COL4A4: variants seen among roughly 807,000 people sequenced by gnomAD.
The protein encoded by COL4A4 is collagen alpha-4(IV) chain.
A neutral mutation model predicts 192.9 loss-of-function variants in COL4A4; 105 were observed. That is an observed-to-expected ratio of 0.54 (90% confidence interval 0.46 to 0.64). The LOEUF (loss-of-function observed/expected upper bound fraction) is 0.64, where lower values mean the gene tolerates loss of function less well. COL4A4 is among the 30% of genes least tolerant of loss of function. The probability of loss-of-function intolerance (pLI) is 0.00; values close to 1 mark genes in which losing one functional copy is unlikely to be tolerated. For synonymous variants in COL4A4, 762 were observed against 769.9 expected (o/e 0.99, Z 0.17); for missense variants, 1,967 against 2,169.3 (o/e 0.91, Z 1.85).
chr2:227,068,419 A>G (rs2058489647), intron 25 of COL4A4, among the ~76,000 whole-genome samples: 1 of 152,238 alleles, frequency 6.6e-6, no homozygotes, highest in East Asian at 1.9e-4. Context: ...CAACCAAAAA[A>G]GAGAATTTTA....
At chr2:227,083,050 GAAACCCCGTCCCTACTAA>G (rs1035069305) in intron 22 of COL4A4, among the ~76,000 whole-genome samples, 3 of 152,104 alleles carry the variant, frequency 2.0e-5, no homozygotes, top group Non-Finnish European at 4.4e-5. Flanking sequence ...CCAACATGGT[GAAACCCCGTCCCTACTAA>G]AAATACAAAA....
rs61128654 is a variant in COL4A4 at position 227,091,247 on chromosome 2, C to CAGATAGATAT, written c.1370-1291_1370-1290insATATCTATCT. On this transcript the variant is annotated intron_variant, in intron 20 of 47. Coordinates refer to ENST00000396625, the MANE Select transcript of COL4A4 (RefSeq NM_000092.5). ...AAAAGAGAACACAGCAATTGAAAAA[C>CAGATAGATAT]AGATATAGATATAGATATAGATATA... Among the ~76,000 whole-genome samples the CAGATAGATAT allele has an allele frequency of 5.7e-4, 81 of 142,424 alleles. 2 individuals are homozygous for CAGATAGATAT. In the East Asian group the frequency reaches 0.012, roughly 21 times the overall value. 93.4% of individuals were successfully genotyped at this position (142,424 alleles called of 152,430 possible).
intron 20 of COL4A4, 122 bp downstream of exon 20, chr2:227,093,998 ACAACC>A (rs2060075751): frequency 1.2e-6 from 1 of 850,626 alleles, no homozygotes; most frequent in African/African-American, 1.7e-5. Flanking sequence ...TTTGTAAAAG[ACAACC>A]AACTTAGCTC....
At chr2:227,134,406 C>T (rs2062678675) in intron 4 of COL4A4, among the ~76,000 whole-genome samples, 1 of 152,124 alleles carries the variant, frequency 6.6e-6, no homozygotes, top group Admixed American at 6.6e-5. Context: ...ACCACCTTTG[C>T]CAACTTCTAA....
downstream of COL4A4, chr2:227,002,569 G>C (rs1478925562): frequency 6.6e-6 from 1 of 151,984 alleles, no homozygotes; most frequent in Non-Finnish European, 1.5e-5. Context: ...AAGAGCCTCT[G>C]AATCTCATCC....
At chr2:227,001,177 C>T (rs1484493190), downstream of COL4A4, among the ~76,000 whole-genome samples, 1 of 151,750 alleles carries the variant, frequency 6.6e-6, no homozygotes, top group African/African-American at 2.4e-5. Context: ...TCACTGCAAA[C>T]TCCACCTCCC....
chr2:227,102,716 T>C (rs2060592005), intron 15 of COL4A4, 73 bp downstream of exon 15: 4 of 1,320,392 alleles, frequency 3.0e-6, no homozygotes, highest in Non-Finnish European at 4.4e-6. Context: ...GTGGGACTAC[T>C]GACCTGGTTT....
At chr2:227,074,991 G>C (rs532337192) in intron 25 of COL4A4, among the ~76,000 whole-genome samples, 1 of 152,024 alleles carries the variant, frequency 6.6e-6, no homozygotes, top group Non-Finnish European at 1.5e-5. Flanking sequence ...CTGAAATTGA[G>C]GCAGTAACCA....
rs190596634 is a variant in COL4A4, at chr2:227,067,747, T to C, written c.1988-5149A>G. Among the ~76,000 whole-genome samples, 547 of 152,178 alleles carry C rather than the reference T, an allele frequency of 3.6e-3. 1 individual carries two copies. Among genetic ancestry groups the C allele is most frequent in the Admixed American group, 6.0e-3 (92 of 15,288 alleles). ...GTAGAGGGAAATTTATAGCACTAAA[T>C]GCCCTCAAGAGAAAGCAGGAAAGAT... is the stretch of plus-strand genomic sequence containing the variant. On this transcript the variant is annotated intron_variant, in intron 25 of 47. Transcript: ENST00000396625.
At position 227,081,758 on chromosome 2, in the gene COL4A4, G is replaced by T. The variant is rs1036752168; in HGVS notation, c.1696+357C>A. ...AGGTCAATAAATTACTTAAAAAAAC[G>T]ATTTCAAGCTGGGCTTCTTTCATTT... is the stretch of plus-strand genomic sequence containing the variant. On this transcript the variant is annotated intron_variant, in intron 23 of 47. Transcript: ENST00000396625. Among the ~76,000 whole-genome samples, 22 of 150,752 alleles carry T rather than the reference G, an allele frequency of 1.5e-4. 1 individual carries two copies. The highest frequency in any genetic ancestry group is 4.5e-4 in the African/African-American group (18 of 40,120).
intron 41 of COL4A4, among the ~76,000 whole-genome samples, chr2:227,029,309 T>C (rs1050481713): frequency 4.6e-5 from 7 of 152,224 alleles, no homozygotes; most frequent in Non-Finnish European, 1.5e-5. Flanking sequence ...CTCCTTCCTC[T>C]TGGTGACTAG....
chr2:227,041,524 C>T (rs912231758), intron 37 of COL4A4, among the ~76,000 whole-genome samples: 2 of 151,240 alleles, frequency 1.3e-5, no homozygotes, highest in Non-Finnish European at 2.9e-5. Context: ...ACCTGTAATC[C>T]CAGCTACTTA....
Position 227,081,976 on chromosome 2 carries a change from AG to A in COL4A4, c.1696+138del, listed in dbSNP as rs2150521820. 7 of 789,744 alleles carry A rather than the reference AG, an allele frequency of 8.9e-6. No individual in the cohort carries two copies. In the South Asian group the frequency reaches 9.7e-5, roughly 11 times the overall value. 48.9% of individuals were successfully genotyped at this position (789,744 alleles called of 1,614,324 possible). On this transcript the variant is annotated intron_variant, in intron 23 of 47. Coordinates refer to ENST00000396625, the MANE Select transcript of COL4A4 (RefSeq NM_000092.5). Reference sequence around the variant, plus strand: ...ACATTCATACAACCTTATGAAGGGCAGGAAGTATTTTTTTAAGTAATCTCAA... The same window carrying A: ...ACATTCATACAACCTTATGAAGGGCAGAAGTATTTTTTTAAGTAATCTCAA...
chr2:227,134,469 C>A (rs1315014793), intron 4 of COL4A4, among the ~76,000 whole-genome samples: 2 of 152,162 alleles, frequency 1.3e-5, no homozygotes, highest in African/African-American at 4.8e-5. Flanking sequence ...CTTAAGTGAA[C>A]TTTGGGGACA....
chr2:227,066,688 G>A (rs1244037728), intron 25 of COL4A4, among the ~76,000 whole-genome samples: 2 of 148,482 alleles, frequency 1.3e-5, no homozygotes, highest in Non-Finnish European at 3.0e-5. Context: ...TCACCACCAG[G>A]CCTGCCCTAA....
intron 25 of COL4A4, among the ~76,000 whole-genome samples, chr2:227,077,022 C>T (rs1015121887): frequency 3.3e-5 from 5 of 152,120 alleles, no homozygotes; most frequent in African/African-American, 1.2e-4. Flanking sequence ...GAAATAGGAA[C>T]ACTTTTACAC....
At chr2:227,106,329 C>G (rs1282830415) in intron 12 of COL4A4, among the ~76,000 whole-genome samples, 1 of 152,048 alleles carries the variant, frequency 6.6e-6, no homozygotes, top group Non-Finnish European at 1.5e-5. Flanking sequence ...TGACAAGCAG[C>G]CGGCTTCTTC....
intron 46 of COL4A4, among the ~76,000 whole-genome samples, chr2:227,009,413 A>G (rs1963010883): frequency 6.6e-6 from 1 of 152,156 alleles, no homozygotes; most frequent in African/African-American, 2.4e-5. Context: ...ACTATTGAAA[A>G]TTGGCAAGGG....
chr2:227,044,504 C>A (rs531206865), intron 35 of COL4A4, among the ~76,000 whole-genome samples: 7 of 152,180 alleles, frequency 4.6e-5, no homozygotes, highest in African/African-American at 1.4e-4. Context: ...GTACCTGTTC[C>A]CTGATTGAAT....
Sources: gnomAD v4.1 joint callset for allele counts (sites outside exome capture counted in the v4.1 genomes callset) on GRCh38, gnomAD v4.1.1 for gene constraint, MANE v1.5 for transcripts, NCBI Gene and HGNC (gene_info 2026-07-23, HGNC 2026-07-21) for gene names.